NEXMIF: variants seen among roughly 807,000 people sequenced by gnomAD.
NEXMIF encodes neurite extension and migration factor, also known as XLMR protein related to neurite extension.
NEXMIF carries 8 observed loss-of-function variants against 62.1 expected under a neutral mutation model. That is an observed-to-expected ratio of 0.13 (90% CI 0.08 to 0.23). The LOEUF (loss-of-function observed/expected upper bound fraction) is 0.23, where lower values mean the gene tolerates loss of function less well. NEXMIF is among the 10% of genes least tolerant of loss of function. The probability of loss-of-function intolerance (pLI) is 1.00; values close to 1 mark genes in which losing one functional copy is unlikely to be tolerated. For synonymous variants in NEXMIF, 404 were observed against 416.6 expected (o/e 0.97, Z 0.37); for missense variants, 976 against 1,113.3 (o/e 0.88, Z 1.75).
intron 1 of NEXMIF, chrX:74,769,815 TA>T (rs901119870): frequency 3.5e-5 from 15 of 431,727 alleles, no homozygotes; most frequent in African/African-American, 1.0e-4. Flanking sequence ...TATTATACTA[TA>T]AAAAAATCAT....
intron 1 of NEXMIF, among the ~76,000 whole-genome samples, chrX:74,860,339 G>A (rs1160505781): frequency 8.9e-6 from 1 of 111,775 alleles, no homozygotes; most frequent in East Asian, 2.8e-4. Flanking sequence ...TTCAGCATTG[G>A]ACATATCTCC....
At chrX:74,910,317 G>T (rs1440494437) in intron 1 of NEXMIF, among the ~76,000 whole-genome samples, 1 of 112,551 alleles carries the variant, frequency 8.9e-6, no homozygotes, top group Admixed American at 9.3e-5. Context: ...GAGATATGGA[G>T]TCAAAGGAGA....
chrX:74,887,480 G>T (rs1240785746), intron 1 of NEXMIF, among the ~76,000 whole-genome samples: 2 of 111,697 alleles, frequency 1.8e-5, no homozygotes, highest in East Asian at 2.8e-4. Context: ...TCAAAAAGTG[G>T]GCGAAGGATA....
At chrX:74,825,917 C>A (rs760239715) in intron 1 of NEXMIF, among the ~76,000 whole-genome samples, 4 of 112,306 alleles carry the variant, frequency 3.6e-5, no homozygotes, top group Non-Finnish European at 7.5e-5. Context: ...TCCTATCTGC[C>A]ACTGATAGGC....
intron 1 of NEXMIF, among the ~76,000 whole-genome samples, chrX:74,880,106 T>C (rs62612360): frequency 0.015 from 1,661 of 112,251 alleles, 15 homozygotes; most frequent in Middle Eastern, 0.028. Flanking sequence ...CTTTAGGAAC[T>C]TAAATGCATC....
chrX:74,852,615 G>T (rs949081803), intron 1 of NEXMIF, among the ~76,000 whole-genome samples: 1 of 111,654 alleles, frequency 9.0e-6, no homozygotes, highest in Non-Finnish European at 1.9e-5. Context: ...GATCACAATG[G>T]TCTGAAACTC....
At chrX:74,877,712 A>G (rs1434040862) in intron 1 of NEXMIF, among the ~76,000 whole-genome samples, 2 of 110,008 alleles carry the variant, frequency 1.8e-5, no homozygotes, top group African/African-American at 6.6e-5. Context: ...TTTTCTCTAA[A>G]CTTCCCTTCT....
chrX:74,826,443 C>T (rs938074755), intron 1 of NEXMIF, among the ~76,000 whole-genome samples: 2 of 111,623 alleles, frequency 1.8e-5, no homozygotes, highest in African/African-American at 6.5e-5. Context: ...TGTTTCTTGT[C>T]CATTTTTTAA....
At chrX:74,776,578 T>A (rs1365198847) in intron 1 of NEXMIF, among the ~76,000 whole-genome samples, 14 of 108,928 alleles carry the variant, frequency 1.3e-4, no homozygotes, top group African/African-American at 4.0e-4. Flanking sequence ...ATACAAAAAA[T>A]AACCTGGGCG....
At chrX:74,795,411 T>G (rs1375610176) in intron 1 of NEXMIF, among the ~76,000 whole-genome samples, 1 of 112,259 alleles carries the variant, frequency 8.9e-6, no homozygotes, top group Admixed American at 9.4e-5. Context: ...TAAATGCATT[T>G]TGCTAGGAGA....
At chrX:74,818,934 A>G (rs2080385185) in intron 1 of NEXMIF, among the ~76,000 whole-genome samples, 1 of 111,945 alleles carries the variant, frequency 8.9e-6, no homozygotes. Flanking sequence ...AATAGCTATC[A>G]TTCAAAAGTC....
At chrX:74,787,693 G>T (rs954700253) in intron 1 of NEXMIF, among the ~76,000 whole-genome samples, 5 of 112,017 alleles carry the variant, frequency 4.5e-5, no homozygotes, top group African/African-American at 1.3e-4. Context: ...AAGCTGAAAA[G>T]ATTACAATGA....
intron 1 of NEXMIF, among the ~76,000 whole-genome samples, chrX:74,753,173 A>T (rs2080149300): frequency 8.9e-6 from 1 of 112,325 alleles, no homozygotes; most frequent in African/African-American, 3.2e-5. Flanking sequence ...TATGGTTTCT[A>T]ATCTATTTTC....
At chrX:74,810,019 C>T (rs1168020107) in intron 1 of NEXMIF, among the ~76,000 whole-genome samples, 1 of 111,441 alleles carries the variant, frequency 9.0e-6, no homozygotes, top group African/African-American at 3.3e-5. Flanking sequence ...GAGGAAGAAA[C>T]AAAATATATT....
rs896112689 is a variant in NEXMIF at position 74,768,299 on chromosome X, G to T, written c.-47-22602C>A. Among the ~76,000 whole-genome samples the T allele has an allele frequency of 1.2e-4, 13 of 111,804 alleles. No homozygotes were observed. In the Admixed American group the frequency reaches 1.2e-3, roughly 11 times the overall value. ...CCTTGATTTTCTCCATTCTCTGTGG[G>T]TTGGATTGTTTCCCTGATAAATCCC... is the stretch of plus-strand genomic sequence containing the variant. On this transcript the variant is annotated intron_variant, in intron 1 of 3. Coordinates refer to ENST00000055682, the MANE Select transcript of NEXMIF (RefSeq NM_001008537.3).
chrX:74,860,755 C>T (rs933982615), intron 1 of NEXMIF, among the ~76,000 whole-genome samples: 8 of 111,175 alleles, frequency 7.2e-5, no homozygotes, highest in Admixed American at 1.9e-4. Flanking sequence ...CAAAGCAGTG[C>T]TAAGAGGGAA....
chrX:74,877,636 C>T (rs1436826860), intron 1 of NEXMIF, among the ~76,000 whole-genome samples: 5 of 111,518 alleles, frequency 4.5e-5, no homozygotes, highest in Admixed American at 9.5e-5. Context: ...ACCAATCAGA[C>T]GTAGATTTGG....
intron 1 of NEXMIF, among the ~76,000 whole-genome samples, chrX:74,915,676 G>A (rs1469593179): frequency 9.0e-6 from 1 of 111,589 alleles, no homozygotes; most frequent in Non-Finnish European, 1.9e-5. Flanking sequence ...AGAAGAGGGA[G>A]GTAGAAGAGT....
chrX:74,853,599 T>C (rs1410753270), intron 1 of NEXMIF, among the ~76,000 whole-genome samples: 1 of 110,629 alleles, frequency 9.0e-6, no homozygotes, highest in Non-Finnish European at 1.9e-5. Flanking sequence ...AAGAAATGGT[T>C]TGGGGACTGC....
Sources: allele counts gnomAD v4.1 joint callset (sites outside exome capture counted in the v4.1 genomes callset), GRCh38; gene constraint gnomAD v4.1.1; transcripts MANE v1.5; gene names NCBI Gene and HGNC (gene_info 2026-07-23, HGNC 2026-07-21).